The following CHRM3 variants were observed in gnomAD, a reference collection of about 807,000 sequenced individuals.
CHRM3 encodes the protein muscarinic acetylcholine receptor M3.
CHRM3 carries 11 observed loss-of-function variants against 41.8 expected under a neutral mutation model. The ratio of observed to expected loss-of-function variants is 0.26; its 90% CI spans 0.17 to 0.44. The LOEUF (loss-of-function observed/expected upper bound fraction) is 0.44. Ranked by LOEUF, CHRM3 falls within the 20% of genes least tolerant of loss-of-function variation. The pLI is 1.00. For synonymous variants in CHRM3, 297 were observed against 301.4 expected (o/e 0.99, Z 0.15); for missense variants, 571 against 745.4 (o/e 0.77, Z 2.72).
intron 6 of CHRM3, among the ~76,000 whole-genome samples, chr1:239,827,622 G>A (rs546441014): frequency 7.3e-4 from 111 of 152,236 alleles, no homozygotes; most frequent in Non-Finnish European, 1.2e-3. Context: ...CTAGTACCTA[G>A]AAATAGCACG....
intron 1 of CHRM3, among the ~76,000 whole-genome samples, chr1:239,397,790 A>C (rs1659624159): frequency 6.7e-6 from 1 of 149,408 alleles, no homozygotes; most frequent in South Asian, 2.1e-4. Context: ...TGTAAAAGAT[A>C]TACCAAAAAT....
At chr1:239,576,046 C>G (rs1452321846) in intron 3 of CHRM3, among the ~76,000 whole-genome samples, 2 of 152,150 alleles carry the variant, frequency 1.3e-5, no homozygotes, top group African/African-American at 4.8e-5. Context: ...TTTGACTACT[C>G]TAGGTAATGG....
In CHRM3 at chr1:239,741,992, C is replaced by G. The variant is rs143883312; in HGVS notation, c.-147+63704C>G. Among the ~76,000 whole-genome samples the G allele has an allele frequency of 1.0e-3, 153 of 152,232 alleles. 1 individual carries two copies. The highest frequency in any genetic ancestry group is 6.8e-3 in the Middle Eastern group (2 of 294). On this transcript the variant is annotated intron_variant, in intron 5 of 6. Coordinates refer to ENST00000676153, the MANE Select transcript of CHRM3 (RefSeq NM_001375978.1). ...ACTCATCTCTTGATTCTCTTCCTCC[C>G]GTTACTGTCCTCTCAGTCCCCTTTG...
At chr1:239,679,150 A>G (rs930656012) in intron 5 of CHRM3, among the ~76,000 whole-genome samples, 2 of 152,202 alleles carry the variant, frequency 1.3e-5, no homozygotes, top group Admixed American at 1.3e-4. Flanking sequence ...ATACTTTATT[A>G]CAAGATTGAT....
In CHRM3 at chr1:239,393,634, G is replaced by A. The variant is rs141085952; in HGVS notation, c.-521+6407G>A. Among the ~76,000 whole-genome samples the A allele has an allele frequency of 6.4e-4, 98 of 152,286 alleles. 1 individual carries two copies. The highest frequency in any genetic ancestry group is 2.3e-3 in the African/African-American group (94 of 41,546). The stretch of plus-strand genomic sequence containing the variant: ...ACTCTTCCAGCTTTCCTTGAGCGCA[G>A]CTATCATTCTGTTTTTCCCTGTGAC... On this transcript the variant is annotated intron_variant, in intron 1 of 6. Transcript: ENST00000676153.
At chr1:239,572,750 ATGGATG>A (rs768926236) in intron 3 of CHRM3, among the ~76,000 whole-genome samples, 175 of 152,312 alleles carry the variant, frequency 1.1e-3, no homozygotes, top group Non-Finnish European at 2.5e-4. Flanking sequence ...TCAGCTCTTA[ATGGATG>A]TGATATGGGA....
At chr1:239,805,350 T>G (rs1558137751) in intron 5 of CHRM3, among the ~76,000 whole-genome samples, 1 of 152,204 alleles carries the variant, frequency 6.6e-6, no homozygotes, top group African/African-American at 2.4e-5. Flanking sequence ...GCCATTTCAC[T>G]CGGGACCCTT....
At chr1:239,438,881 G>A (rs1399374405) in intron 1 of CHRM3, among the ~76,000 whole-genome samples, 1 of 152,178 alleles carries the variant, frequency 6.6e-6, no homozygotes, top group African/African-American at 2.4e-5. Flanking sequence ...ATGTGCACCA[G>A]TCATTAAAAA....
At chr1:239,756,363 CAT>C (rs977819043) in intron 5 of CHRM3, among the ~76,000 whole-genome samples, 3 of 152,170 alleles carry the variant, frequency 2.0e-5, no homozygotes, top group Non-Finnish European at 4.4e-5. Flanking sequence ...CAAAATGAAA[CAT>C]ATCTGTTCCA....
intron 5 of CHRM3, among the ~76,000 whole-genome samples, chr1:239,742,032 T>TA (rs1664899759): frequency 6.6e-6 from 1 of 152,102 alleles, no homozygotes. Context: ...GACCAAAGCC[T>TA]TTTCACACTG....
At chr1:239,761,619 T>C (rs1666781325) in intron 5 of CHRM3, among the ~76,000 whole-genome samples, 1 of 152,240 alleles carries the variant, frequency 6.6e-6, no homozygotes, top group Admixed American at 6.5e-5. Context: ...ACTCTGGCAC[T>C]ACCACTGAGG....
At chr1:239,724,550 A>C (rs914072053) in intron 5 of CHRM3, among the ~76,000 whole-genome samples, 5 of 151,956 alleles carry the variant, frequency 3.3e-5, no homozygotes, top group Non-Finnish European at 7.4e-5. Flanking sequence ...GGGAGGATTC[A>C]GTGGGATTAT....
rs192859882 is a variant in CHRM3, at chr1:239,765,759, A to G, written c.-146-61493A>G. On this transcript the variant is annotated intron_variant, in intron 5 of 6. Coordinates refer to ENST00000676153, the MANE Select transcript of CHRM3 (RefSeq NM_001375978.1). ...GCATTCATGTGGCCAAACTGGGGGG[A>G]AAAATCAAATTGGCAATGAACTAAG... Among the ~76,000 whole-genome samples the G allele has an allele frequency of 1.8e-3, 268 of 152,146 alleles. 1 individual carries two copies. Among genetic ancestry groups the G allele is most frequent in the African/African-American group, 6.0e-3 (249 of 41,504 alleles).
intron 4 of CHRM3, among the ~76,000 whole-genome samples, chr1:239,676,691 G>A (rs1316317509): frequency 6.6e-6 from 1 of 152,156 alleles, no homozygotes; most frequent in East Asian, 1.9e-4. Flanking sequence ...CTGTGGTATT[G>A]GGCAAGCTCC....
In CHRM3 at chr1:239,748,217, A is replaced by G. The variant is rs1377941867; in HGVS notation, c.-147+69929A>G. On this transcript the variant is annotated intron_variant, in intron 5 of 6. Coordinates refer to ENST00000676153, the MANE Select transcript of CHRM3 (RefSeq NM_001375978.1). The surrounding 1 kb of genome is among the most constrained non-coding windows in gnomAD (Gnocchi z 4.3). ...GTATACACACCCGTTATCTGCACTA[A>G]TTGAAGATGTATTGTATATCGTTAA... Among the ~76,000 whole-genome samples, 1 of 152,220 alleles carries G rather than the reference A, an allele frequency of 6.6e-6. No homozygotes were observed. Among genetic ancestry groups the G allele is most frequent in the Non-Finnish European group, 1.5e-5 (1 of 68,034 alleles).
intron 5 of CHRM3, among the ~76,000 whole-genome samples, chr1:239,684,768 A>AG (rs1658955850): frequency 1.4e-5 from 2 of 139,050 alleles, no homozygotes; most frequent in Non-Finnish European, 3.2e-5. Flanking sequence ...GAAAGAAAGA[A>AG]AGAGAAAGAG....
At chr1:239,853,971 G>A (rs916966717) in intron 6 of CHRM3, among the ~76,000 whole-genome samples, 1 of 152,078 alleles carries the variant, frequency 6.6e-6, no homozygotes, top group African/African-American at 2.4e-5. Context: ...CTTAGATGTT[G>A]TCCCACATTG....
chr1:239,606,729 G>A (rs1410813549), intron 3 of CHRM3, among the ~76,000 whole-genome samples: 1 of 152,162 alleles, frequency 6.6e-6, no homozygotes, highest in Non-Finnish European at 1.5e-5. Context: ...TACCAGATTC[G>A]TAAGATGGTG....
chr1:239,859,819 T>TTATATA (rs55700294), intron 6 of CHRM3, among the ~76,000 whole-genome samples: 9,775 of 130,504 alleles, frequency 0.075, 444 homozygotes, highest in African/African-American at 0.084. Flanking sequence ...TCTAAGTGTT[T>TTATATA]TATATATATA....
Sources: allele counts gnomAD v4.1 joint callset (sites outside exome capture counted in the v4.1 genomes callset), GRCh38; gene constraint gnomAD v4.1.1; non-coding constraint Gnocchi (gnomAD v3.1); transcripts MANE v1.5; gene names NCBI Gene and HGNC (gene_info 2026-07-23, HGNC 2026-07-21).